MACROD2: variants seen among roughly 807,000 people sequenced by gnomAD.
MACROD2 encodes the protein ADP-ribose glycohydrolase MACROD2.
MACROD2 carries 36 observed loss-of-function variants against 70.4 expected under a neutral mutation model. The observed-to-expected ratio is 0.51, with a 90% confidence interval of 0.39 to 0.68. MACROD2 has a LOEUF of 0.68. Among genes scored for constraint, MACROD2 ranks in the 30% least tolerant of loss-of-function variants. The pLI, the probability that MACROD2 is intolerant of heterozygous loss-of-function variation, is 0.00. For missense variants in MACROD2, 496 were observed against 538.4 expected (o/e 0.92, Z 0.78); for synonymous variants, 172 against 178.8 (o/e 0.96, Z 0.30).
chr20:15,842,582 C>T (rs1227387141), intron 8 of MACROD2, among the ~76,000 whole-genome samples: 2 of 148,704 alleles, frequency 1.3e-5, no homozygotes, highest in East Asian at 4.0e-4. Context: ...CCACAAAAAG[C>T]ATCATGTTGG....
chr20:14,099,566 A>T (rs1334576330), intron 3 of MACROD2, among the ~76,000 whole-genome samples: 3 of 152,186 alleles, frequency 2.0e-5, no homozygotes, highest in African/African-American at 7.2e-5. Context: ...CAACTTATAT[A>T]TCCTATCTAC....
At chr20:15,765,936 G>A (rs1277761968) in intron 8 of MACROD2, among the ~76,000 whole-genome samples, 5 of 152,060 alleles carry the variant, frequency 3.3e-5, no homozygotes, top group Non-Finnish European at 5.9e-5. Context: ...TTTCATGGAA[G>A]CAATAAAATA....
chr20:15,728,125 A>G (rs1190800225), intron 8 of MACROD2, among the ~76,000 whole-genome samples: 1 of 152,132 alleles, frequency 6.6e-6, no homozygotes, highest in African/African-American at 2.4e-5. Context: ...TGTTGAATTT[A>G]TCAAAAGCCT....
intron 3 of MACROD2, among the ~76,000 whole-genome samples, chr20:14,171,123 A>G (rs576357884): frequency 1.4e-4 from 22 of 152,198 alleles, no homozygotes; most frequent in African/African-American, 4.3e-4. Flanking sequence ...TTTCTAGTTT[A>G]TGCACATAAA....
intron 5 of MACROD2, among the ~76,000 whole-genome samples, chr20:14,971,926 C>T (rs1171401600): frequency 2.0e-5 from 3 of 152,158 alleles, no homozygotes; most frequent in Non-Finnish European, 2.9e-5. Flanking sequence ...GCACAACTGC[C>T]GGCATTCACC....
intron 8 of MACROD2, among the ~76,000 whole-genome samples, chr20:15,647,185 TC>T (rs2049560962): frequency 6.6e-6 from 1 of 152,210 alleles, no homozygotes; most frequent in Non-Finnish European, 1.5e-5. Context: ...AGTTCTCCTC[TC>T]CCAGCCTGGG....
chr20:15,202,316 A>G (rs533647849), intron 5 of MACROD2, among the ~76,000 whole-genome samples: 43 of 152,274 alleles, frequency 2.8e-4, no homozygotes, highest in African/African-American at 9.4e-4. Flanking sequence ...GATATCCACT[A>G]TGTCATTCAA....
At chr20:15,443,199 A>G (rs953330084) in intron 7 of MACROD2, among the ~76,000 whole-genome samples, 1 of 152,152 alleles carries the variant, frequency 6.6e-6, no homozygotes, top group East Asian at 1.9e-4. Context: ...ATCCATAAAC[A>G]TACCAGGAGT....
chr20:15,575,938 T>C (rs1216125333), intron 8 of MACROD2, among the ~76,000 whole-genome samples: 1 of 152,214 alleles, frequency 6.6e-6, no homozygotes. Flanking sequence ...AAAACACATT[T>C]CAATCATTTG....
At chr20:15,992,986 T>C (rs965452758) in intron 15 of MACROD2, among the ~76,000 whole-genome samples, 5 of 152,296 alleles carry the variant, frequency 3.3e-5, no homozygotes, top group Middle Eastern at 6.8e-3. Flanking sequence ...GTTTTACATA[T>C]ATGATCCTGA....
In MACROD2 at chr20:14,450,765, T is replaced by C. The variant is rs903279189; in HGVS notation, c.272-42714T>C. Among the ~76,000 whole-genome samples, 4 of 152,074 alleles carry C rather than the reference T, an allele frequency of 2.6e-5. 1 individual carries two copies. The highest frequency in any genetic ancestry group is 9.7e-5 in the African/African-American group (4 of 41,374). On this transcript the variant is annotated intron_variant, in intron 3 of 17. Transcript: ENST00000684519. Reference sequence around the variant, plus strand: ...TGAAAAATACTTCATGAACAATTCCTACTGAGAAACATTAACATAGTACCT... The same window carrying C: ...TGAAAAATACTTCATGAACAATTCCCACTGAGAAACATTAACATAGTACCT...
intron 3 of MACROD2, among the ~76,000 whole-genome samples, chr20:14,330,716 C>A (rs1256990664): frequency 6.6e-6 from 1 of 152,054 alleles, no homozygotes; most frequent in Non-Finnish European, 1.5e-5. Context: ...AAAGTGCCCA[C>A]AGAGGAAAGT....
chr20:15,547,293 A>G (rs2048037497), intron 8 of MACROD2, among the ~76,000 whole-genome samples: 1 of 152,222 alleles, frequency 6.6e-6, no homozygotes, highest in South Asian at 2.1e-4. Flanking sequence ...CAGCAGTACT[A>G]GACAGATGGA....
At position 14,231,676 on chromosome 20, in the gene MACROD2, A is replaced by G. The variant is rs1407746824; in HGVS notation, c.271+145948A>G. Among the ~76,000 whole-genome samples, 8 of 152,196 alleles carry G rather than the reference A, an allele frequency of 5.3e-5. 1 individual carries two copies. The highest frequency in any genetic ancestry group is 2.6e-4 in the Admixed American group (4 of 15,284). On this transcript the variant is annotated intron_variant, in intron 3 of 17. Coordinates refer to ENST00000684519, the MANE Select transcript of MACROD2 (RefSeq NM_001351661.2). ...ACCCAGTAATGGGATGGCTGGGTTA[A>G]ATGGTCTTTCTAGTTCTAGATCCCT...
At chr20:14,681,923 A>G (rs2070937288) in intron 4 of MACROD2, among the ~76,000 whole-genome samples, 2 of 152,166 alleles carry the variant, frequency 1.3e-5, no homozygotes, top group African/African-American at 2.4e-5. Context: ...GCAAGTTACT[A>G]ACCTAAGATC....
chr20:15,205,250 A>G (rs933047186), intron 5 of MACROD2, among the ~76,000 whole-genome samples: 3 of 152,180 alleles, frequency 2.0e-5, no homozygotes, highest in African/African-American at 7.2e-5. Flanking sequence ...TGCTATTTTC[A>G]ACACACACTA....
At chr20:15,227,835 T>TTTTTTTTTTG (rs2076922852) in intron 5 of MACROD2, among the ~76,000 whole-genome samples, 1 of 143,218 alleles carries the variant, frequency 7.0e-6, no homozygotes, top group South Asian at 2.2e-4. Flanking sequence ...TTTTTTTTTT[T>TTTTTTTTTTG]TTTTTTTTTT....
At chr20:14,801,994 C>T (rs2072581971) in intron 5 of MACROD2, among the ~76,000 whole-genome samples, 1 of 152,022 alleles carries the variant, frequency 6.6e-6, no homozygotes, top group African/African-American at 2.4e-5. Context: ...AGGACTTCAA[C>T]ATAATTAATT....
At chr20:14,499,528 G>C (rs907282401) in intron 4 of MACROD2, among the ~76,000 whole-genome samples, 1 of 151,724 alleles carries the variant, frequency 6.6e-6, no homozygotes, top group African/African-American at 2.4e-5. Flanking sequence ...GTGAGACCCT[G>C]TCTCTTAAAA....
Sources: allele counts gnomAD v4.1 joint callset (sites outside exome capture counted in the v4.1 genomes callset), GRCh38; gene constraint gnomAD v4.1.1; transcripts MANE v1.5; gene names NCBI Gene and HGNC (gene_info 2026-07-23, HGNC 2026-07-21).